Variants in ADAM10 observed in about 807,000 individuals in gnomAD.
ADAM10 encodes disintegrin and metalloproteinase domain-containing protein 10.
A neutral mutation model predicts 90.1 loss-of-function variants in ADAM10; 17 were observed. The observed-to-expected ratio is 0.19, with a 90% CI of 0.13 to 0.28. The LOEUF (loss-of-function observed/expected upper bound fraction) is 0.28. Among genes scored for constraint, ADAM10 ranks in the 10% least tolerant of loss-of-function variants. The pLI is 1.00. For synonymous variants in ADAM10, 310 were observed against 298.6 expected, an observed-to-expected ratio of 1.04 and a Z score of -0.40; for missense variants, 610 against 914.3, an observed-to-expected ratio of 0.67 and a Z score of 4.29.
chr15:58,622,655 G>T (rs1895821517), intron 10 of ADAM10, among the ~76,000 whole-genome samples: 2 of 152,228 alleles, frequency 1.3e-5, no homozygotes, highest in South Asian at 4.2e-4. Context: ...GACCTTAATG[G>T]TATTGAGCCA....
chr15:58,653,512 A>C (rs1275316210), intron 5 of ADAM10, among the ~76,000 whole-genome samples: 1 of 152,234 alleles, frequency 6.6e-6, no homozygotes, highest in Non-Finnish European at 1.5e-5. Flanking sequence ...ATGATGTATC[A>C]CACTGACTGA....
intron 2 of ADAM10, among the ~76,000 whole-genome samples, chr15:58,705,715 T>C (rs1898262698): frequency 6.6e-6 from 1 of 152,182 alleles, no homozygotes; most frequent in Non-Finnish European, 1.5e-5. Flanking sequence ...TATACAGAAA[T>C]ACTTTCTATA....
intron 5 of ADAM10, among the ~76,000 whole-genome samples, chr15:58,648,488 C>T (rs930904734): frequency 4.6e-5 from 7 of 151,906 alleles, no homozygotes; most frequent in Non-Finnish European, 8.8e-5. Context: ...TTTTCTACTC[C>T]AGACCAAAGG....
At chr15:58,703,688 T>C (rs1456756082) in intron 2 of ADAM10, among the ~76,000 whole-genome samples, 7 of 152,138 alleles carry the variant, frequency 4.6e-5, no homozygotes, top group East Asian at 1.9e-4. Context: ...ATTCCCAGTA[T>C]TGGGGGAAGA....
At chr15:58,678,881 C>G (rs1280821573) in intron 4 of ADAM10, among the ~76,000 whole-genome samples, 2 of 152,154 alleles carry the variant, frequency 1.3e-5, no homozygotes, top group East Asian at 3.9e-4. Context: ...TTGGTTGACT[C>G]ACACAGTTCA....
In ADAM10 at chr15:58,651,664, C is replaced by A. The variant is rs547047215; in HGVS notation, c.586-5460G>T. Among the ~76,000 whole-genome samples, 13 of 152,280 alleles carry A rather than the reference C, an allele frequency of 8.5e-5. No individual in the cohort carries two copies. The East Asian group carries it at 1.4e-3, about 16-fold the overall frequency. ...TTTTCTTTATCCATTCATCTATTAACAGACACTTAGGCTGCTTCCAAATCT... is the reference window on the plus strand; with the variant it reads ...TTTTCTTTATCCATTCATCTATTAAAAGACACTTAGGCTGCTTCCAAATCT... On this transcript the variant is annotated intron_variant, in intron 5 of 15. Transcript: ENST00000260408.
intron 14 of ADAM10, among the ~76,000 whole-genome samples, chr15:58,601,464 TAAAC>T (rs1421438904): frequency 3.3e-5 from 5 of 152,000 alleles, no homozygotes; most frequent in Non-Finnish European, 7.4e-5. Flanking sequence ...CCACCTCAAA[TAAAC>T]AAACAAACAA....
intron 3 of ADAM10, among the ~76,000 whole-genome samples, chr15:58,681,534 TAC>T (rs1489682567): frequency 3.3e-5 from 5 of 152,330 alleles, no homozygotes; most frequent in African/African-American, 1.2e-4. Flanking sequence ...CTTACTAATG[TAC>T]AGTTATAAAA....
At chr15:58,613,794 C>T (rs1354162903) in intron 11 of ADAM10, among the ~76,000 whole-genome samples, 1 of 151,972 alleles carries the variant, frequency 6.6e-6, no homozygotes, top group African/African-American at 2.4e-5. Flanking sequence ...TATGGGACAC[C>T]ACCAAGTGAA....
At chr15:58,654,876 T>C (rs1896771148) in intron 5 of ADAM10, among the ~76,000 whole-genome samples, 1 of 152,222 alleles carries the variant, frequency 6.6e-6, no homozygotes, top group African/African-American at 2.4e-5. Context: ...TATTTCAATT[T>C]TTTGAATGTT....
intron 5 of ADAM10, among the ~76,000 whole-genome samples, chr15:58,655,652 GCATACATA>G (rs71116584): frequency 0.43 from 38,680 of 90,918 alleles, 10,721 homozygotes; most frequent in East Asian, 0.81. Flanking sequence ...TGATCCCTTT[GCATACATA>G]CATACATACA....
At chr15:58,609,059 C>T (rs772047650) in intron 14 of ADAM10, 2 of 152,074 alleles carry the variant, frequency 1.3e-5, no homozygotes, top group Admixed American at 6.5e-5. Context: ...GAAAGGTAAG[C>T]TGCTTGAAGT....
chr15:58,671,575 T>TA (rs1331609622), intron 4 of ADAM10, among the ~76,000 whole-genome samples: 1 of 152,204 alleles, frequency 6.6e-6, no homozygotes. Context: ...ACTCATCACT[T>TA]ATAAGAGTTG....
In ADAM10 at chr15:58,676,707, C is replaced by G. The variant is rs575023519; in HGVS notation, c.484+2417G>C. On this transcript the variant is annotated intron_variant, in intron 4 of 15. Coordinates refer to ENST00000260408, the MANE Select transcript of ADAM10 (RefSeq NM_001110.4). ...TGGCTTATACCTGGAGTCCCAGCTA[C>G]TCACAGAGCTGAGGTAGGAGGTTCA... Among the ~76,000 whole-genome samples the G allele has an allele frequency of 1.1e-3, 166 of 152,244 alleles. 1 individual carries two copies. Among genetic ancestry groups the G allele is most frequent in the Admixed American group, 9.7e-3 (148 of 15,294 alleles).
chr15:58,633,159 T>C, intron 9 of ADAM10, 37 bp downstream of exon 9: 1 of 1,552,890 alleles, frequency 6.4e-7, no homozygotes, highest in Non-Finnish European at 8.9e-7. Context: ...ATTAGACTAA[T>C]AAGTATTTTT....
intron 1 of ADAM10, among the ~76,000 whole-genome samples, chr15:58,735,606 A>G (rs1223624290): frequency 2.6e-5 from 4 of 152,182 alleles, no homozygotes; most frequent in African/African-American, 9.7e-5. Flanking sequence ...TAGTTGTTGT[A>G]CTGTGTTGTG....
chr15:58,649,886 C>G (rs1211278679), intron 5 of ADAM10, among the ~76,000 whole-genome samples: 1 of 152,140 alleles, frequency 6.6e-6, no homozygotes, highest in East Asian at 1.9e-4. Flanking sequence ...CATTTTCCTC[C>G]TTCTAGGACA....
At chr15:58,636,084 A>G (rs1184974177) in intron 8 of ADAM10, among the ~76,000 whole-genome samples, 3 of 152,114 alleles carry the variant, frequency 2.0e-5, no homozygotes, top group Non-Finnish European at 4.4e-5. Context: ...GGAGACCAGC[A>G]TAACCAACAT....
intron 15 of ADAM10, among the ~76,000 whole-genome samples, chr15:58,599,265 A>G (rs1472026553): frequency 6.6e-6 from 1 of 152,078 alleles, no homozygotes; most frequent in Admixed American, 6.5e-5. Context: ...AAAGATCAAC[A>G]ATTTTAAAGT....
Sources: allele counts gnomAD v4.1 joint callset (sites outside exome capture counted in the v4.1 genomes callset), GRCh38; gene constraint gnomAD v4.1.1; transcripts MANE v1.5; gene names NCBI Gene and HGNC (gene_info 2026-07-23, HGNC 2026-07-21).